IMMP2L: variants seen among roughly 807,000 people sequenced by gnomAD.
IMMP2L encodes the protein inner mitochondrial membrane peptidase subunit 2.
A neutral mutation model predicts 19.3 loss-of-function variants in IMMP2L; 18 were observed. That is an observed-to-expected ratio of 0.93 (90% CI 0.64 to 1.38). IMMP2L has a LOEUF of 1.38. IMMP2L is among the 40% of genes most tolerant of loss of function. The probability of loss-of-function intolerance (pLI) is 0.00; values close to 1 mark genes in which losing one functional copy is unlikely to be tolerated. For missense variants in IMMP2L, 233 were observed against 218.2 expected (o/e 1.07, Z -0.43); for synonymous variants, 76 against 73.0 (o/e 1.04, Z -0.21).
At chr7:110,777,732 A>G (rs1238256627) in intron 5 of IMMP2L, among the ~76,000 whole-genome samples, 1 of 152,030 alleles carries the variant, frequency 6.6e-6, no homozygotes, top group Non-Finnish European at 1.5e-5. Flanking sequence ...CAGATCCACT[A>G]TATCAAAATT....
intron 5 of IMMP2L, among the ~76,000 whole-genome samples, chr7:110,878,089 A>G (rs899939789): frequency 3.3e-5 from 5 of 151,644 alleles, no homozygotes; most frequent in African/African-American, 1.2e-4. Context: ...TACACTCAGT[A>G]TCATTTGCCA....
chr7:111,471,225 T>C (rs1012097061), intron 3 of IMMP2L, among the ~76,000 whole-genome samples: 3 of 152,096 alleles, frequency 2.0e-5, no homozygotes, highest in Non-Finnish European at 4.4e-5. Context: ...TTCCAGATGT[T>C]TGGAAATAAA....
intron 3 of IMMP2L, among the ~76,000 whole-genome samples, chr7:111,275,628 G>A (rs1178781293): frequency 6.6e-6 from 1 of 152,096 alleles, no homozygotes; most frequent in African/African-American, 2.4e-5. Context: ...ATTTTATAGG[G>A]ATTGCACTGA....
chr7:110,738,677 C>T (rs1796800253), intron 5 of IMMP2L, among the ~76,000 whole-genome samples: 1 of 152,172 alleles, frequency 6.6e-6, no homozygotes, highest in African/African-American at 2.4e-5. Context: ...ACTTCCCCAG[C>T]CTTGCTAGAG....
intron 5 of IMMP2L, among the ~76,000 whole-genome samples, chr7:110,763,918 T>A (rs1264865500): frequency 6.6e-6 from 1 of 152,154 alleles, no homozygotes; most frequent in Non-Finnish European, 1.5e-5. Flanking sequence ...ATTTGGTTAA[T>A]GGGTTAGTAA....
At chr7:110,875,227 C>T (rs1808949219) in intron 5 of IMMP2L, among the ~76,000 whole-genome samples, 1 of 152,122 alleles carries the variant, frequency 6.6e-6, no homozygotes, top group Admixed American at 6.6e-5. Flanking sequence ...TCATTTTATA[C>T]TATTACTTTT....
chr7:110,764,371 T>C (rs1798531599), intron 5 of IMMP2L, among the ~76,000 whole-genome samples: 1 of 152,098 alleles, frequency 6.6e-6, no homozygotes. Flanking sequence ...AGTTTTTAAA[T>C]TCATTTAATC....
chr7:111,028,535 A>C (rs1317096766), intron 3 of IMMP2L, among the ~76,000 whole-genome samples: 3 of 152,126 alleles, frequency 2.0e-5, no homozygotes, highest in Admixed American at 2.0e-4. Context: ...GCAAAGAAAA[A>C]GCTATGTAGT....
At chr7:111,262,640 A>G (rs1156398026) in intron 3 of IMMP2L, among the ~76,000 whole-genome samples, 1 of 152,194 alleles carries the variant, frequency 6.6e-6, no homozygotes, top group Non-Finnish European at 1.5e-5. Flanking sequence ...TAGTAAACAG[A>G]ACGCAAGATT....
At position 111,023,777 on chromosome 7, in the gene IMMP2L, C is replaced by T. The variant is rs187353891; in HGVS notation, c.240-60212G>A. Among the ~76,000 whole-genome samples, 15 of 152,110 alleles carry T rather than the reference C, an allele frequency of 9.9e-5. No homozygotes were observed. The East Asian group carries it at 1.9e-3, about 20-fold the overall frequency. On this transcript the variant is annotated intron_variant, in intron 3 of 5. Transcript: ENST00000405709. The stretch of plus-strand genomic sequence containing the variant: ...ATGGATTCTTAAACTTCATGAATGA[C>T]GGGGATGTAGTGGTTAATGTATGGG...
At chr7:110,901,592 T>G (rs933249121) in intron 4 of IMMP2L, among the ~76,000 whole-genome samples, 5 of 152,186 alleles carry the variant, frequency 3.3e-5, no homozygotes, top group Non-Finnish European at 4.4e-5. Context: ...GGACTTCTTT[T>G]TATATTCTCC....
chr7:111,259,604 C>A (rs1163163272), intron 3 of IMMP2L, among the ~76,000 whole-genome samples: 1 of 151,958 alleles, frequency 6.6e-6, no homozygotes, highest in African/African-American at 2.4e-5. Flanking sequence ...CACTACTACA[C>A]TGCAGCCTGG....
intron 3 of IMMP2L, among the ~76,000 whole-genome samples, chr7:111,003,108 A>G (rs1823890620): frequency 6.6e-6 from 1 of 152,080 alleles, no homozygotes; most frequent in Non-Finnish European, 1.5e-5. Context: ...TATTATTGTT[A>G]CTGTTCTTAG....
intron 3 of IMMP2L, among the ~76,000 whole-genome samples, chr7:110,967,813 T>C (rs1819709529): frequency 6.6e-6 from 1 of 152,204 alleles, no homozygotes; most frequent in Admixed American, 6.5e-5. Context: ...TCTATTCTTT[T>C]ATCATGAAAG....
chr7:111,369,929 A>C (rs724462), intron 3 of IMMP2L, among the ~76,000 whole-genome samples: 3,958 of 152,066 alleles, frequency 0.026, 173 homozygotes, highest in African/African-American at 0.09. Context: ...CCGCCATGAA[A>C]TCAACTCAAT....
chr7:111,050,715 A>T (rs1792926850), intron 3 of IMMP2L, among the ~76,000 whole-genome samples: 1 of 152,216 alleles, frequency 6.6e-6, no homozygotes, highest in African/African-American at 2.4e-5. Flanking sequence ...CAGCCTAAAA[A>T]ATATATCATT....
At chr7:111,024,814 A>G (rs1480983775) in intron 3 of IMMP2L, among the ~76,000 whole-genome samples, 1 of 152,224 alleles carries the variant, frequency 6.6e-6, no homozygotes, top group Non-Finnish European at 1.5e-5. Context: ...AATAGCAGAG[A>G]GAAGATACCC....
chr7:111,011,956 T>C (rs906651673), intron 3 of IMMP2L, among the ~76,000 whole-genome samples: 4 of 152,060 alleles, frequency 2.6e-5, no homozygotes, highest in African/African-American at 9.7e-5. Flanking sequence ...GGGCAGCATA[T>C]TACTGGAGCC....
intron 3 of IMMP2L, among the ~76,000 whole-genome samples, chr7:111,192,107 C>A (rs986988574): frequency 6.6e-6 from 1 of 152,020 alleles, no homozygotes; most frequent in Non-Finnish European, 1.5e-5. Flanking sequence ...ACTATGTACC[C>A]AAGTGGAAGA....
Sources: allele counts gnomAD v4.1 joint callset (sites outside exome capture counted in the v4.1 genomes callset), GRCh38; gene constraint gnomAD v4.1.1; transcripts MANE v1.5; gene names NCBI Gene and HGNC (gene_info 2026-07-23, HGNC 2026-07-21).